AUP1: variants seen among roughly 807,000 people sequenced by gnomAD.
The protein encoded by AUP1 is AUP1 lipid droplet regulating VLDL assembly factor, also known as lipid droplet-regulating VLDL assembly factor AUP1.
A neutral mutation model predicts 51.8 loss-of-function variants in AUP1; 30 were observed. That is an observed-to-expected ratio of 0.58 (90% CI 0.43 to 0.79). The LOEUF (loss-of-function observed/expected upper bound fraction) is 0.79. AUP1 is among the 30% of genes least tolerant of loss of function. AUP1 has a pLI of 0.00. For synonymous variants in AUP1, 227 were observed against 209.0 expected, an observed-to-expected ratio of 1.09 and a Z score of -0.74; for missense variants, 492 against 517.1, an observed-to-expected ratio of 0.95 and a Z score of 0.47.
chr2:74,528,599 T>G, intron 4 of AUP1, 110 bp from the exon 5 acceptor site: 1 of 1,391,880 alleles, frequency 7.2e-7, no homozygotes, highest in Non-Finnish European at 1.0e-6. Context: ...AATTGAAGAA[T>G]GAAGGGATTC....
intron 6 of AUP1, 121 bp from the exon 7 acceptor site, chr2:74,528,127 T>G (rs564024289): frequency 6.8e-7 from 1 of 1,475,214 alleles, no homozygotes; most frequent in East Asian, 2.3e-5. Flanking sequence ...AAATACTTTG[T>G]GTTGCCTCTG....
In AUP1 at chr2:74,527,973, T is replaced by C. The variant is rs746253272; in HGVS notation, c.705A>G (p.Glu235=). ...CACGGAGTGCAAACTCCTCATTCGCTTCCCCTAGTTGGCGATGAACAGGAC... is the reference window on the plus strand; with the variant it reads ...CACGGAGTGCAAACTCCTCATTCGCCTCCCCTAGTTGGCGATGAACAGGAC... ...WLRPVHRQLG[E]ANEEFALRVQ... Residue 235 remains glutamate, a synonymous_variant, in exon 7 of 12, where the codon GAA becomes GAG. Coordinates refer to ENST00000377526, the MANE Select transcript of AUP1 (RefSeq NM_181575.5). 20 of 1,614,224 alleles carry C rather than the reference T, an allele frequency of 1.2e-5. No individual in the cohort carries two copies. Among genetic ancestry groups the C allele is most frequent in the East Asian group, 1.1e-4 (5 of 44,892 alleles).
intron 4 of AUP1, 120 bp from the exon 5 acceptor site, chr2:74,528,609 C>T (rs1474451707): frequency 7.2e-7 from 1 of 1,385,356 alleles, no homozygotes; most frequent in Non-Finnish European, 1.0e-6. Context: ...TGAAGGGATT[C>T]AGGAGAAAGA....
Position 74,528,872 on chromosome 2 carries a change from G to A in AUP1, c.403C>T (p.Arg135Trp), listed in dbSNP as rs1273285344. Residue 135 changes from arginine (R) to tryptophan (W), a missense_variant, in exon 4 of 12, where the codon CGG becomes TGG. Arg to Trp is a moderately radical substitution (Grantham distance 101). Coordinates refer to ENST00000377526, the MANE Select transcript of AUP1 (RefSeq NM_181575.5). ...WSRGFMEMNG[R>W]GELVESLKRF... ...TTGAGTGACTCCACCAACTCCCCCCGCCCATTCATCTCCATGAAGCCCCGA... is the reference window on the plus strand; with the variant it reads ...TTGAGTGACTCCACCAACTCCCCCCACCCATTCATCTCCATGAAGCCCCGA... 3.7e-6 allele frequency: 6 copies of A among 1,613,968 alleles called. No individual in the cohort carries two copies. The highest frequency in any genetic ancestry group is 4.2e-6 in the Non-Finnish European group (5 of 1,180,022).
Position 74,528,342 on chromosome 2 carries a change from G to A in AUP1, c.598-21C>T. The A allele has an allele frequency of 3.1e-6, 5 of 1,613,626 alleles. No homozygotes were observed. In the South Asian group the frequency reaches 4.4e-5, roughly 14 times the overall value. ...ACCGTCTGAGGGGAGGGCATGAGAT[G>A]AGGCCTAAGCCAGGGCCAGGGATGG... On this transcript the variant is annotated intron_variant, in intron 5 of 11. Coordinates refer to ENST00000377526, the MANE Select transcript of AUP1 (RefSeq NM_181575.5).
In AUP1 at chr2:74,529,124, T is replaced by C. The variant is rs755092106; in HGVS notation, c.339+8A>G. On this transcript the variant is annotated splice_region_variant and intron_variant, in intron 3 of 11. Coordinates refer to ENST00000377526, the MANE Select transcript of AUP1 (RefSeq NM_181575.5). ...CCCCGTGGCGCTCTCGGCCTCGCTC[T>C]CACTCACGGTGCTACAGGTGGTAAG... The C allele has an allele frequency of 1.2e-6, 2 of 1,614,238 alleles. No individual in the cohort carries two copies.
At chr2:74,529,051 G>A in intron 3 of AUP1, 81 bp downstream of exon 3, 6 of 1,608,300 alleles carry the variant, frequency 3.7e-6, no homozygotes, top group Non-Finnish European at 4.3e-6. Flanking sequence ...CCTCCATGGG[G>A]AACGCGAGTG....
rs879707926 is a variant in AUP1, at chr2:74,529,633, TG to T, written c.-5del. The T allele has an allele frequency of 8.3e-6, 13 of 1,564,104 alleles. No homozygotes were observed. The highest frequency in any genetic ancestry group is 1.1e-5 in the Non-Finnish European group (13 of 1,156,184). On this transcript the variant is annotated 5_prime_UTR_variant, in exon 1 of 12. Coordinates refer to ENST00000377526, the MANE Select transcript of AUP1 (RefSeq NM_181575.5). ...CCGGCCCTGAGGGAAGCTCCATAACTGCTGCTTCAGGAGCGCCCGGCCGTCG... is the reference window on the plus strand; with the variant it reads ...CCGGCCCTGAGGGAAGCTCCATAACTCTGCTTCAGGAGCGCCCGGCCGTCG...
In AUP1 at chr2:74,529,611, G is replaced by T; in HGVS notation, c.19C>A (p.Pro7Thr). 6.4e-7 allele frequency: 1 copy of T among 1,569,488 alleles called. No individual in the cohort carries two copies. Among genetic ancestry groups the T allele is most frequent in the Non-Finnish European group, 8.6e-7 (1 of 1,157,570 alleles). The change falls in exon 1 of 12, where the codon CCG (proline) becomes ACG (threonine). Residue 7 changes from proline to threonine, a missense_variant. By Grantham distance (38) the Pro-to-Thr change is conservative. Transcript: ENST00000377526. ...GAGTCAAAGAGCCGCTCCGGCCCCG[G>T]CCCTGAGGGAAGCTCCATAACTGCT... is the stretch of plus-strand genomic sequence containing the variant. MELPSG[P>T]GPERLFDSHR... is the part of the protein sequence containing the mutation.
At position 74,528,428 on chromosome 2, in the gene AUP1, G is replaced by A. The variant is rs910028717; in HGVS notation, c.586C>T (p.Leu196=). 3 of 1,613,198 alleles carry A rather than the reference G, an allele frequency of 1.9e-6. No homozygotes were observed. Among genetic ancestry groups the A allele is most frequent in the African/African-American group, 2.7e-5 (2 of 75,024 alleles). ...CAACACACACTCACCACAGAGACCA[G>A]GGGTCTCTGAACTTGCAGGGTAAGA... ...QPLTLQVQRP[L]VSVTVSDASW... Residue 196 remains leucine (L), a synonymous_variant, in exon 5 of 12, where the codon CTG becomes TTG. Transcript: ENST00000377526.
chr2:74,529,109 C>T, intron 3 of AUP1, 23 bp downstream of exon 3: 1 of 1,614,176 alleles, frequency 6.2e-7, no homozygotes, highest in Non-Finnish European at 8.5e-7. Flanking sequence ...CCCCGTGGCG[C>T]TCTCGGCCTC....
rs776338193 is a variant in AUP1, at chr2:74,527,135, G to C, written c.1078-76C>G. 4 of 1,610,936 alleles carry C rather than the reference G, an allele frequency of 2.5e-6. No homozygotes were observed. The South Asian group carries it at 4.4e-5, about 18-fold the overall frequency. ...CGCATCGAATGCCTACTTTGCAAGA[G>C]AGGCACTATGCTAGGGTCTCAGGAT... On this transcript the variant is annotated intron_variant, in intron 10 of 11. Transcript: ENST00000377526.
At chr2:74,528,726 C>A in intron 4 of AUP1, 25 bp downstream of exon 4, 2 of 1,554,578 alleles carry the variant, frequency 1.3e-6, no homozygotes, top group Non-Finnish European at 8.7e-7. Context: ...ACCCAGCTGG[C>A]GCCCCATACC....
In AUP1 at chr2:74,527,758, G is replaced by A. The variant is rs781109972; in HGVS notation, c.819C>T (p.His273=). The change falls in exon 8 of 12, where the codon CAC becomes CAT. Residue 273 remains histidine, a synonymous_variant. Coordinates refer to ENST00000377526, the MANE Select transcript of AUP1 (RefSeq NM_181575.5). Reference sequence around the variant, plus strand: ...TACCTGACTGGGGGCGCAATCTGGGGTGTCTTTGTCGCTTCATGTGCTCTG... The same window carrying A: ...TACCTGACTGGGGGCGCAATCTGGGATGTCTTTGTCGCTTCATGTGCTCTG... ...DKAEHMKRQR[H]PRLRPQSAQS... is the part of the protein sequence containing the mutation. 2 of 1,613,930 alleles carry A rather than the reference G, an allele frequency of 1.2e-6. No individual in the cohort carries two copies. The highest frequency in any genetic ancestry group is 1.1e-5 in the South Asian group (1 of 91,090).
rs772672022 is a variant in AUP1 at position 74,527,026 on chromosome 2, T to G, written c.1111A>C (p.Thr371Pro). ...PSSGPVTPQP[T>P]ALTFAKSSWA... ...GAAGACTTGGCAAATGTTAGGGCTGTTGGCTGAGGGGTCACCGGGCCAGAG... is the reference window on the plus strand; with the variant it reads ...GAAGACTTGGCAAATGTTAGGGCTGGTGGCTGAGGGGTCACCGGGCCAGAG... The change falls in exon 11 of 12, where the codon ACA becomes CCA. Residue 371 changes from threonine to proline, a missense_variant. Coordinates refer to ENST00000377526, the MANE Select transcript of AUP1 (RefSeq NM_181575.5). The G allele has an allele frequency of 6.2e-7, 1 of 1,614,182 alleles. No individual in the cohort carries two copies. The highest frequency in any genetic ancestry group is 1.1e-5 in the South Asian group (1 of 91,088).
rs777964822 is a variant in AUP1, at chr2:74,527,950, C to T, written c.728G>A (p.Arg243His). Residue 243 changes from arginine (R) to histidine (H), a missense_variant, in exon 7 of 12, where the codon CGT (arginine) becomes CAT (histidine). Physicochemically the swap from Arg to His is conservative, Grantham distance 29 (BLOSUM62 0). Coordinates refer to ENST00000377526, the MANE Select transcript of AUP1 (RefSeq NM_181575.5). ...LGEANEEFAL[R>H]VQQLVAKELG... The stretch of plus-strand genomic sequence containing the variant: ...TGTGCACCCGACCACCTGTTGTACA[C>T]GGAGTGCAAACTCCTCATTCGCTTC... 4.3e-6 allele frequency: 7 copies of T among 1,614,194 alleles called. No individual in the cohort carries two copies. Among genetic ancestry groups the T allele is most frequent in the East Asian group, 2.2e-5 (1 of 44,888 alleles).
In AUP1 at chr2:74,526,745, G is replaced by A. The variant is rs762456603; in HGVS notation, c.*55C>T. 1 of 1,511,308 alleles carries A rather than the reference G, an allele frequency of 6.6e-7. No individual in the cohort carries two copies. Among genetic ancestry groups the A allele is most frequent in the Middle Eastern group, 2.0e-4 (1 of 4,966 alleles). The allele number at this position is 1,511,308 out of a possible 1,614,324, so 93.6% of individuals were successfully genotyped here. On this transcript the variant is annotated 3_prime_UTR_variant, in exon 12 of 12. Coordinates refer to ENST00000377526, the MANE Select transcript of AUP1 (RefSeq NM_181575.5). ...ATCCAGCCTGTTGTGAGTTGGGTGA[G>A]GGCTGCCCCCAGTCTCCGTCCTGCG...
At position 74,529,155 on chromosome 2, in the gene AUP1, T is replaced by G. The variant is rs747408018; in HGVS notation, c.316A>C (p.Asn106His). The change falls in exon 3 of 12, where the codon AAT (asparagine) becomes CAT (histidine). Residue 106 changes from asparagine to histidine, a missense_variant. Transcript: ENST00000377526. The part of the protein sequence containing the change: ...HVTPFDHNIV[N>H]LLTTCSTPLL... ...ACGGTGCTACAGGTGGTAAGCAAAT[T>G]GACTATGTTGTGGTCGAAAGGTGTC... is the stretch of plus-strand genomic sequence containing the variant. 1.8e-5 allele frequency: 29 copies of G among 1,614,032 alleles called. No homozygotes were observed. Among genetic ancestry groups the G allele is most frequent in the Non-Finnish European group, 2.5e-5 (29 of 1,180,038 alleles).
chr2:74,528,105 AGTAAATACT>A, intron 6 of AUP1, 99 bp from the exon 7 acceptor site: 3 of 1,507,208 alleles, frequency 2.0e-6, no homozygotes, highest in Non-Finnish European at 2.8e-6. Flanking sequence ...GTGGGAAAAT[AGTAAATACT>A]GTAAATACTT....
Sources: gnomAD v4.1 joint callset for allele counts on GRCh38, gnomAD v4.1.1 for gene constraint, MANE v1.5 for transcripts, NCBI Gene and HGNC (gene_info 2026-07-23, HGNC 2026-07-21) for gene names.